HS3ST4: variants seen among roughly 807,000 people sequenced by gnomAD.
The protein encoded by HS3ST4 is heparan sulfate-glucosamine 3-sulfotransferase 4.
In HS3ST4, 17 loss-of-function variants were observed where a neutral mutation model predicts 29.2. The observed-to-expected ratio is 0.58, with a 90% CI of 0.40 to 0.87. The LOEUF (loss-of-function observed/expected upper bound fraction) is 0.87, where lower values mean the gene tolerates loss of function less well. Ranked by LOEUF, HS3ST4 falls within the 40% of genes least tolerant of loss-of-function variation. The pLI is 0.00. For synonymous variants in HS3ST4, 314 were observed against 285.7 expected, an observed-to-expected ratio of 1.10 and a Z score of -1.00; for missense variants, 627 against 634.5, an observed-to-expected ratio of 0.99 and a Z score of 0.13.
rs183653985 is a variant in HS3ST4 at position 25,977,015 on chromosome 16, C to T, written c.735-158597C>T. ...CTGAGTCCACAGGTAGGATTTGGCCCATGGGCTACAGTTTGTGGACCCCTC... is the reference window on the plus strand; with the variant it reads ...CTGAGTCCACAGGTAGGATTTGGCCTATGGGCTACAGTTTGTGGACCCCTC... On this transcript the variant is annotated intron_variant, in intron 1 of 1. Transcript: ENST00000331351. Among the ~76,000 whole-genome samples, 480 of 152,250 alleles carry T rather than the reference C, an allele frequency of 3.2e-3. 3 individuals carry two copies. Among genetic ancestry groups the T allele is most frequent in the African/African-American group, 0.011 (456 of 41,538 alleles).
intron 1 of HS3ST4, among the ~76,000 whole-genome samples, chr16:26,054,298 GA>G (rs1205027096): frequency 6.9e-6 from 1 of 145,788 alleles, no homozygotes; most frequent in Admixed American, 6.7e-5. Flanking sequence ...GAGAGAGAGA[GA>G]AGGAGGAGGA....
At chr16:25,927,695 GT>G (rs77200693) in intron 1 of HS3ST4, among the ~76,000 whole-genome samples, 2,849 of 146,206 alleles carry the variant, frequency 0.019, 34 homozygotes, top group Middle Eastern at 0.039. Context: ...CTGTTTTTCT[GT>G]TTTTTTTTTT....
chr16:26,068,116 C>T (rs1898561746), intron 1 of HS3ST4, among the ~76,000 whole-genome samples: 1 of 152,234 alleles, frequency 6.6e-6, no homozygotes, highest in East Asian at 1.9e-4. Context: ...CTTGAATGCA[C>T]ATACTTTGCA....
intron 1 of HS3ST4, among the ~76,000 whole-genome samples, chr16:25,822,062 G>A (rs997180037): frequency 2.0e-5 from 3 of 152,254 alleles, no homozygotes; most frequent in Admixed American, 6.5e-5. Flanking sequence ...GGTATGTCTA[G>A]GCCCAGTCTA....
rs1158578997 is a variant in HS3ST4, at chr16:26,136,269, G to C, written c.*21G>C. On this transcript the variant is annotated 3_prime_UTR_variant, in exon 2 of 2. Transcript: ENST00000331351. ...AATGAGGCTAGAGAGGCAGAGGAAG[G>C]CTAGTCAATAAGCTAAGGAGGCTCC... The C allele has an allele frequency of 6.3e-7, 1 of 1,597,214 alleles. No homozygotes were observed. The highest frequency in any genetic ancestry group is 2.2e-5 in the East Asian group (1 of 44,638).
Position 25,692,368 on chromosome 16 carries a change from GC to G in HS3ST4, c.-49del, listed in dbSNP as rs1320260377. ...CGGCGGCTGAAACCATGTCCGGGCA[GC>G]GCCGGGGGCTGCCGCCGCCGCCGCC... On this transcript the variant is annotated 5_prime_UTR_variant, in exon 1 of 2. Coordinates refer to ENST00000331351, the MANE Select transcript of HS3ST4 (RefSeq NM_006040.3). The G allele has an allele frequency of 3.2e-6, 1 of 315,174 alleles. No homozygotes were observed. The highest frequency in any genetic ancestry group is 2.3e-5 in the African/African-American group (1 of 42,760). 19.5% of individuals were successfully genotyped at this position (315,174 alleles called of 1,614,324 possible). A position where few individuals can be genotyped will look rare whatever the true frequency, so the allele number is the denominator to read the frequency against.
chr16:26,079,838 C>T (rs996557857), intron 1 of HS3ST4, among the ~76,000 whole-genome samples: 3 of 152,114 alleles, frequency 2.0e-5, no homozygotes, highest in African/African-American at 7.2e-5. Context: ...AGCACGGGAG[C>T]GGACTTAATG....
intron 1 of HS3ST4, among the ~76,000 whole-genome samples, chr16:25,749,356 G>A (rs970612659): frequency 6.6e-6 from 1 of 152,058 alleles, no homozygotes; most frequent in African/African-American, 2.4e-5. Context: ...TTAGCTGGGC[G>A]TGGTGACATG....
chr16:25,780,542 GA>G (rs1477184777), intron 1 of HS3ST4, among the ~76,000 whole-genome samples: 1 of 152,194 alleles, frequency 6.6e-6, no homozygotes, highest in Non-Finnish European at 1.5e-5. Flanking sequence ...CATCCCTAAA[GA>G]AGGAGGAGAA....
chr16:26,047,766 T>C (rs1023437345), intron 1 of HS3ST4, among the ~76,000 whole-genome samples: 1 of 152,212 alleles, frequency 6.6e-6, no homozygotes. Flanking sequence ...ACTCCTTTTA[T>C]ATGAGTAAGA....
At chr16:25,737,138 T>C (rs1966615101) in intron 1 of HS3ST4, among the ~76,000 whole-genome samples, 1 of 152,188 alleles carries the variant, frequency 6.6e-6, no homozygotes, top group Non-Finnish European at 1.5e-5. Context: ...GCGGTGCATG[T>C]GCACCATTGA....
chr16:26,101,207 A>G (rs1898986050), intron 1 of HS3ST4, among the ~76,000 whole-genome samples: 1 of 144,918 alleles, frequency 6.9e-6, no homozygotes, highest in African/African-American at 2.4e-5. Context: ...TTTGCCCTCC[A>G]TCTCCAATCC....
At chr16:26,118,535 G>A (rs1899229386) in intron 1 of HS3ST4, among the ~76,000 whole-genome samples, 1 of 152,068 alleles carries the variant, frequency 6.6e-6, no homozygotes, top group South Asian at 2.1e-4. Flanking sequence ...CGTAACTACT[G>A]GGCACTTGAA....
intron 1 of HS3ST4, among the ~76,000 whole-genome samples, chr16:26,014,260 A>T (rs1013818029): frequency 6.6e-6 from 1 of 152,198 alleles, no homozygotes; most frequent in African/African-American, 2.4e-5. Flanking sequence ...TCAGTGCCTG[A>T]CACATTGTGG....
chr16:25,896,256 TA>T (rs1968063290), intron 1 of HS3ST4, among the ~76,000 whole-genome samples: 1 of 152,180 alleles, frequency 6.6e-6, no homozygotes, highest in Admixed American at 6.6e-5. Context: ...AAGTCAAAAA[TA>T]ATAGTACAGG....
chr16:26,102,382 G>T (rs1484911673), intron 1 of HS3ST4, among the ~76,000 whole-genome samples: 2 of 152,010 alleles, frequency 1.3e-5, no homozygotes, highest in East Asian at 3.9e-4. Flanking sequence ...CTCAAAAGGT[G>T]GTCCTTTCAA....
intron 1 of HS3ST4, among the ~76,000 whole-genome samples, chr16:25,694,049 C>T (rs1966275789): frequency 6.6e-6 from 1 of 152,216 alleles, no homozygotes. Context: ...ACCTCCTTCG[C>T]CTTTGTTGTT....
intron 1 of HS3ST4, among the ~76,000 whole-genome samples, chr16:25,814,865 A>C: frequency 6.6e-6 from 1 of 152,200 alleles, no homozygotes; most frequent in East Asian, 1.9e-4. Flanking sequence ...TGGAGCCACA[A>C]ATTCAGGAAG....
chr16:26,131,201 T>C (rs1163066814), intron 1 of HS3ST4, among the ~76,000 whole-genome samples: 2 of 152,210 alleles, frequency 1.3e-5, no homozygotes. Context: ...TCTCTTTCTC[T>C]CCTAAAATTG....
Sources: allele counts gnomAD v4.1 joint callset (sites outside exome capture counted in the v4.1 genomes callset), GRCh38; gene constraint gnomAD v4.1.1; transcripts MANE v1.5; gene names NCBI Gene and HGNC (gene_info 2026-07-23, HGNC 2026-07-21).